The following GSTA2 variants were observed in gnomAD, a reference collection of about 807,000 sequenced individuals.
The protein encoded by GSTA2 is glutathione S-transferase alpha 2.
Under a neutral mutation model 22.4 loss-of-function variants are expected in GSTA2, and 27 were observed. The ratio of observed to expected loss-of-function variants is 1.21; its 90% confidence interval spans 0.89 to 1.67. The LOEUF is 1.67. Ranked by LOEUF, GSTA2 falls within the 40% of genes most tolerant of loss-of-function variation. The probability of loss-of-function intolerance (pLI) is 0.00; values close to 1 mark genes in which losing one functional copy is unlikely to be tolerated. For synonymous variants in GSTA2, 121 were observed against 86.8 expected (o/e 1.39, Z -2.19); for missense variants, 302 against 260.2 (o/e 1.16, Z -1.11).
intron 3 of GSTA2, 125 bp from the exon 4 acceptor site, chr6:52,755,200 G>C: frequency 9.2e-7 from 1 of 1,088,568 alleles, no homozygotes; most frequent in Non-Finnish European, 1.3e-6. Flanking sequence ...CCTGGTAAGA[G>C]TTCACTTGAA....
chr6:52,761,058 A>G (rs1233618660), intron 1 of GSTA2, among the ~76,000 whole-genome samples: 1 of 152,162 alleles, frequency 6.6e-6, no homozygotes, highest in Non-Finnish European at 1.5e-5. Context: ...TTCCATTATG[A>G]GATTCATAAA....
intron 1 of GSTA2, among the ~76,000 whole-genome samples, chr6:52,760,910 TA>T (rs1228031139): frequency 1.3e-5 from 2 of 152,106 alleles, no homozygotes; most frequent in African/African-American, 2.4e-5. Flanking sequence ...TTACATCAAT[TA>T]AAAAATGGGC....
intron 3 of GSTA2, 59 bp from the exon 4 acceptor site, chr6:52,755,134 T>A (rs1762816309): frequency 1.9e-6 from 3 of 1,580,888 alleles, no homozygotes; most frequent in African/African-American, 1.4e-5. Context: ...CATTTCAGGA[T>A]GAAAAAAAAT....
chr6:52,750,734 C>A, intron 6 of GSTA2, 35 bp from the exon 7 acceptor site: 1 of 1,609,848 alleles, frequency 6.2e-7, no homozygotes, highest in Non-Finnish European at 8.5e-7. Context: ...ACTAAAACAA[C>A]AAGTCAAGGG....
At position 52,752,315 on chromosome 6, in the gene GSTA2, G is replaced by A. The variant is rs1762759190; in HGVS notation, c.414+539C>T. On this transcript the variant is annotated intron_variant, in intron 5 of 6. Transcript: ENST00000493422. ...AATCTGCAAGCTGAAGCGTTTAGGA[G>A]TGAACTGCTCTGATGTCTGCAACTT... Among the ~76,000 whole-genome samples, 3 of 152,224 alleles carry A rather than the reference G, an allele frequency of 2.0e-5. No homozygotes were observed. The South Asian group carries it at 6.2e-4, about 32-fold the overall frequency.
chr6:52,760,930 A>G (rs1240688800), intron 1 of GSTA2, among the ~76,000 whole-genome samples: 1 of 152,180 alleles, frequency 6.6e-6, no homozygotes, highest in African/African-American at 2.4e-5. Context: ...GCTTGTTTTG[A>G]AAGGACTATA....
intron 2 of GSTA2, among the ~76,000 whole-genome samples, 187 bp from the exon 3 acceptor site, chr6:52,756,496 T>A (rs1165110445): frequency 6.6e-6 from 1 of 152,178 alleles, no homozygotes; most frequent in Non-Finnish European, 1.5e-5. Context: ...AGTGCATGGG[T>A]CACAGCACAT....
intron 1 of GSTA2, among the ~76,000 whole-genome samples, chr6:52,758,645 G>C (rs1275664517): frequency 6.6e-6 from 1 of 152,134 alleles, no homozygotes; most frequent in African/African-American, 2.4e-5. Context: ...CCAGAAATTA[G>C]GCCTCAGACT....
Position 52,757,119 on chromosome 6 carries a change from A to T in GSTA2, c.87+742T>A, listed in dbSNP as rs543403663. 2.9e-3 allele frequency among the ~76,000 whole-genome samples: 340 copies of T among 119,238 alleles called. 2 individuals are homozygous for T. Among genetic ancestry groups the T allele is most frequent in the South Asian group, 0.011 (33 of 3,136 alleles). 78.2% of individuals were successfully genotyped at this position (119,238 alleles called of 152,430 possible). ...CCGAGTACAGAACCTGGAATTAATA[A>T]GTGCTCAAGTAAATAATTGCTGTGA... On this transcript the variant is annotated intron_variant, in intron 2 of 6. Coordinates refer to ENST00000493422, the MANE Select transcript of GSTA2 (RefSeq NM_000846.5).
At chr6:52,756,848 C>T (rs1162278772) in intron 2 of GSTA2, among the ~76,000 whole-genome samples, 1 of 152,252 alleles carries the variant, frequency 6.6e-6, no homozygotes, top group Non-Finnish European at 1.5e-5. Context: ...ATTTTCTCTT[C>T]TGAAGTACGT....
At chr6:52,757,521 A>G (rs1762866416) in intron 2 of GSTA2, among the ~76,000 whole-genome samples, 1 of 152,124 alleles carries the variant, frequency 6.6e-6, no homozygotes, top group Non-Finnish European at 1.5e-5. Flanking sequence ...TGAAATATTA[A>G]CAATAATTAT....
At chr6:52,754,822 T>C in intron 4 of GSTA2, 121 bp downstream of exon 4, 1 of 1,304,950 alleles carries the variant, frequency 7.7e-7, no homozygotes, top group Non-Finnish European at 1.1e-6. Context: ...GACCTCAGCG[T>C]GCATGCCCAA....
chr6:52,755,126 T>C, intron 3 of GSTA2, 51 bp from the exon 4 acceptor site: 1 of 1,592,076 alleles, frequency 6.3e-7, no homozygotes. Flanking sequence ...AAACCCACCA[T>C]TTCAGGATGA....
At chr6:52,753,919 C>A (rs1762792690) in intron 4 of GSTA2, among the ~76,000 whole-genome samples, 1 of 152,220 alleles carries the variant, frequency 6.6e-6, no homozygotes, top group Non-Finnish European at 1.5e-5. Flanking sequence ...CACTAATCTA[C>A]TTTCTACCTC....
At chr6:52,756,010 G>T (rs1306447256) in intron 3 of GSTA2, among the ~76,000 whole-genome samples, 2 of 152,100 alleles carry the variant, frequency 1.3e-5, no homozygotes, top group Non-Finnish European at 2.9e-5. Context: ...TGAAAACAAA[G>T]AAAGGGCTTT....
Position 52,750,525 on chromosome 6 carries a change from C to A in GSTA2, c.*52G>T. On this transcript the variant is annotated 3_prime_UTR_variant, in exon 7 of 7. Transcript: ENST00000493422. ...ACTTAGGTAAAGCACTTAATTGTTG[C>A]AAAACTTTAGAATACTGGTCTTGCA... The A allele has an allele frequency of 1.3e-6, 2 of 1,595,020 alleles. No individual in the cohort carries two copies. Among genetic ancestry groups the A allele is most frequent in the East Asian group, 4.5e-5 (2 of 44,710 alleles).
intron 3 of GSTA2, among the ~76,000 whole-genome samples, chr6:52,755,551 T>C (rs1408562925): frequency 1.3e-5 from 2 of 152,216 alleles, no homozygotes; most frequent in East Asian, 3.8e-4. Flanking sequence ...TTCTTCTTTT[T>C]CTTAAGAAGT....
In GSTA2 at chr6:52,759,563, G is replaced by GTTTTT. The variant is rs70977382; in HGVS notation, c.-30-1591_-30-1587dup. Among the ~76,000 whole-genome samples, 6 of 34,196 alleles carry GTTTTT rather than the reference G, an allele frequency of 1.8e-4. 1 individual carries two copies. The highest frequency in any genetic ancestry group is 2.4e-4 in the Non-Finnish European group (4 of 16,554). 22.4% of individuals were successfully genotyped at this position (34,196 alleles called of 152,430 possible). ...CCTTTAACAACTAATGTATTTATTTGTTTTTTTTTTTTTTTTTTTTTTTTT... is the reference window on the plus strand; with the variant it reads ...CCTTTAACAACTAATGTATTTATTTGTTTTTTTTTTTTTTTTTTTTTTTTTTTTTT... On this transcript the variant is annotated intron_variant, in intron 1 of 6. Transcript: ENST00000493422.
At chr6:52,752,829 C>T (rs1762768244) in intron 5 of GSTA2, 25 bp downstream of exon 5, 2 of 1,612,836 alleles carry the variant, frequency 1.2e-6, no homozygotes, top group South Asian at 1.1e-5. Context: ...CTCAGTTCCC[C>T]AAAACACTGA....
Sources: gnomAD v4.1 joint callset for allele counts (sites outside exome capture counted in the v4.1 genomes callset) on GRCh38, gnomAD v4.1.1 for gene constraint, MANE v1.5 for transcripts, NCBI Gene and HGNC (gene_info 2026-07-23, HGNC 2026-07-21) for gene names.